DOK7: variants seen among roughly 807,000 people sequenced by gnomAD.
DOK7 encodes the protein protein Dok-7.
A neutral mutation model predicts 30.7 loss-of-function variants in DOK7; 32 were observed. The observed-to-expected ratio is 1.04, with a 90% confidence interval of 0.79 to 1.40. The LOEUF (loss-of-function observed/expected upper bound fraction) is 1.40, where lower values mean the gene tolerates loss of function less well. Among genes scored for constraint, DOK7 ranks in the 40% most tolerant of loss-of-function variants. The probability of loss-of-function intolerance (pLI) is 0.00; values close to 1 mark genes in which losing one functional copy is unlikely to be tolerated. For missense variants in DOK7, 1,007 were observed against 699.2 expected, an observed-to-expected ratio of 1.44 and a Z score of -4.97; for synonymous variants, 447 against 324.1, an observed-to-expected ratio of 1.38 and a Z score of -4.07.
intron 3 of DOK7, among the ~76,000 whole-genome samples, chr4:3,474,287 A>G (rs558318163): frequency 6.6e-6 from 1 of 152,284 alleles, no homozygotes; most frequent in South Asian, 2.1e-4. Flanking sequence ...AAAACCCCAT[A>G]ATGAGCAAAA....
At chr4:3,501,166 G>A in exon 8 of DOK7, 2 of 356,858 alleles carry the variant, frequency 5.6e-6, no homozygotes, top group East Asian at 5.3e-5. Flanking sequence ...AGCATGGTTT[G>A]TGGTGCCTGG....
At chr4:3,494,492 C>G, downstream of DOK7, 2 of 985,540 alleles carry the variant, frequency 2.0e-6, no homozygotes, top group South Asian at 9.4e-5. Context: ...ACCACCTTGT[C>G]CTAGTCCGTT....
chr4:3,470,184 C>T (rs1250237968), intron 2 of DOK7, among the ~76,000 whole-genome samples: 3 of 152,214 alleles, frequency 2.0e-5, no homozygotes, highest in African/African-American at 7.2e-5. Flanking sequence ...CGCTCCAGTC[C>T]CTGCCTCCGT....
At chr4:3,474,548 G>A in intron 3 of DOK7, among the ~76,000 whole-genome samples, 1 of 152,318 alleles carries the variant, frequency 6.6e-6, no homozygotes, top group African/African-American at 2.4e-5. Context: ...ATGGCCAGGT[G>A]CAGTGGCTCA....
At chr4:3,470,626 T>A (rs1300933752) in intron 2 of DOK7, among the ~76,000 whole-genome samples, 1 of 152,236 alleles carries the variant, frequency 6.6e-6, no homozygotes, top group African/African-American at 2.4e-5. Flanking sequence ...AATTCAACTC[T>A]TGGCCAGGAG....
Position 3,492,825 on chromosome 4 carries a change from G to A in DOK7, c.839G>A (p.Arg280Gln), listed in dbSNP as rs144269117. 5.6e-5 allele frequency: 90 copies of A among 1,612,570 alleles called. 1 individual carries two copies. In the African/African-American group the frequency reaches 6.8e-4, roughly 12 times the overall value. ...ASHLDVSASSRLTAWPEQSSS... is the reference protein window; with the variant it reads ...ASHLDVSASSQLTAWPEQSSS... ...CACTTGGACGTCAGCGCCAGCAGCC[G>A]GCTCACCGCATGGCCAGAGCAATCC... Residue 280 changes from arginine (R) to glutamine (Q), a missense_variant, in exon 7 of 7, where the codon CGG (arginine) becomes CAG (glutamine). Coordinates refer to ENST00000340083, the MANE Select transcript of DOK7 (RefSeq NM_173660.5).
At chr4:3,483,508 G>C (rs192552348) in intron 4 of DOK7, among the ~76,000 whole-genome samples, 82 of 152,344 alleles carry the variant, frequency 5.4e-4, no homozygotes, top group Non-Finnish European at 8.7e-4. Context: ...GGTGGCTGGC[G>C]AGGGTGTCGC....
At chr4:3,498,318 C>A (rs1054060227), downstream of DOK7, among the ~76,000 whole-genome samples, 1 of 152,202 alleles carries the variant, frequency 6.6e-6, no homozygotes, top group Non-Finnish European at 1.5e-5. Flanking sequence ...TACGGACACA[C>A]TGCTGGCCCA....
chr4:3,479,358 G>A (rs911513206), intron 4 of DOK7, among the ~76,000 whole-genome samples: 3 of 152,222 alleles, frequency 2.0e-5, no homozygotes, highest in African/African-American at 4.8e-5. Flanking sequence ...ACAGGCCCTG[G>A]TATGTGAACA....
chr4:3,475,370 A>T (rs1423447913), intron 3 of DOK7, among the ~76,000 whole-genome samples: 1 of 152,138 alleles, frequency 6.6e-6, no homozygotes, highest in Non-Finnish European at 1.5e-5. Context: ...GAGCAGGTAG[A>T]GGAGGCAGAG....
chr4:3,468,689 CATGT>C (rs1241995565), intron 2 of DOK7, among the ~76,000 whole-genome samples: 37 of 133,452 alleles, frequency 2.8e-4, no homozygotes, highest in Non-Finnish European at 4.4e-4. Context: ...CCTGTGTGTG[CATGT>C]ATGTCTGTGT....
rs1293478092 is a variant in DOK7, at chr4:3,493,566, G to T, written c.*65G>T. 2.5e-6 allele frequency: 4 copies of T among 1,574,700 alleles called. No individual in the cohort carries two copies. The African/African-American group carries it at 4.1e-5, about 16-fold the overall frequency. ...TTTGCCCCCAGATGGCAGAGGAAGT[G>T]GCGCCAGCCTCCTTGCAGACTGGTG... On this transcript the variant is annotated 3_prime_UTR_variant, in exon 7 of 7. Transcript: ENST00000340083.
At chr4:3,469,839 G>A (rs1276317265) in intron 2 of DOK7, among the ~76,000 whole-genome samples, 3 of 152,210 alleles carry the variant, frequency 2.0e-5, no homozygotes, top group Non-Finnish European at 4.4e-5. Context: ...ATGAGGAGAG[G>A]GCGGCCTGAG....
chr4:3,492,208 C>T lies in DOK7; in HGVS notation c.773-551C>T, dbSNP rs138418594. Among the ~76,000 whole-genome samples, 1,053 of 152,188 alleles carry T rather than the reference C, an allele frequency of 6.9e-3. 38 individuals are homozygous for T. Among genetic ancestry groups the T allele is most frequent in the South Asian group, 0.038 (181 of 4,820 alleles). Reference sequence around the variant, plus strand: ...TGCATTGGGTGTGCTTCTCATCCCCCGCAGGGAGGGAGACTGGGAGTGAGG... The same window carrying T: ...TGCATTGGGTGTGCTTCTCATCCCCTGCAGGGAGGGAGACTGGGAGTGAGG... On this transcript the variant is annotated intron_variant, in intron 6 of 6. Coordinates refer to ENST00000340083, the MANE Select transcript of DOK7 (RefSeq NM_173660.5).
downstream of DOK7, chr4:3,494,603 C>G: frequency 1.2e-6 from 1 of 849,956 alleles, no homozygotes; most frequent in Non-Finnish European, 1.4e-6. Context: ...TCAGAGAGTG[C>G]GAGAGGCCTC....
intron 5 of DOK7, among the ~76,000 whole-genome samples, chr4:3,486,212 ACT>A (rs1577166721): frequency 1.3e-5 from 2 of 152,028 alleles, no homozygotes; most frequent in South Asian, 2.1e-4. Context: ...TGGCTGCGGC[ACT>A]CTCTGCAGGA....
downstream of DOK7, chr4:3,496,835 G>A (rs766144160): frequency 3.9e-6 from 6 of 1,535,830 alleles, no homozygotes; most frequent in South Asian, 5.9e-5. Context: ...GGCAGCCTCA[G>A]CCCCAGGACC....
At position 3,491,367 on chromosome 4, in the gene DOK7, CTG is replaced by C. The variant is rs1193308077; in HGVS notation, c.773-1391_773-1390del. ...TTCGCCTGCTTGTTCCTTCCTTCCT[CTG>C]CTCCCCCTGCTCGTTCATTCCTTCC... On this transcript the variant is annotated intron_variant, in intron 6 of 6. Transcript: ENST00000340083. Among the ~76,000 whole-genome samples the C allele has an allele frequency of 3.9e-4, 40 of 102,332 alleles. 1 individual carries two copies. The highest frequency in any genetic ancestry group is 1.3e-3 in the African/African-American group (39 of 29,484). 67.1% of individuals were successfully genotyped at this position (102,332 alleles called of 152,430 possible).
chr4:3,475,490 G>A (rs116650626), intron 3 of DOK7, among the ~76,000 whole-genome samples: 33 of 152,324 alleles, frequency 2.2e-4, no homozygotes, highest in African/African-American at 7.9e-4. Context: ...GCTGACCTGG[G>A]AAGACAGGGG....
Sources: gnomAD v4.1 joint callset for allele counts (sites outside exome capture counted in the v4.1 genomes callset) on GRCh38, gnomAD v4.1.1 for gene constraint, MANE v1.5 for transcripts, NCBI Gene and HGNC (gene_info 2026-07-23, HGNC 2026-07-21) for gene names.